The following MDGA2 variants were observed in gnomAD, a reference collection of about 807,000 sequenced individuals.
The protein encoded by MDGA2 is MAM domain containing glycosylphosphatidylinositol anchor 2.
A neutral mutation model predicts 117.8 loss-of-function variants in MDGA2; 40 were observed. The ratio of observed to expected loss-of-function variants is 0.34; its 90% confidence interval spans 0.26 to 0.44. The LOEUF (loss-of-function observed/expected upper bound fraction) is 0.44, where lower values mean the gene tolerates loss of function less well. Ranked by LOEUF, MDGA2 falls within the 20% of genes least tolerant of loss-of-function variation. The probability of loss-of-function intolerance (pLI) is 1.00; values close to 1 mark genes in which losing one functional copy is unlikely to be tolerated. For synonymous variants in MDGA2, 452 were observed against 439.0 expected (o/e 1.03, Z -0.37); for missense variants, 1,123 against 1,250.6 (o/e 0.90, Z 1.54).
At chr14:47,068,675 C>T (rs1265987160) in intron 6 of MDGA2, among the ~76,000 whole-genome samples, 27 of 151,928 alleles carry the variant, frequency 1.8e-4, no homozygotes, top group Non-Finnish European at 3.2e-4. Flanking sequence ...GTATATTATA[C>T]TTTTTATTAG....
At chr14:46,907,346 A>T (rs1883538385) in intron 10 of MDGA2, among the ~76,000 whole-genome samples, 1 of 152,118 alleles carries the variant, frequency 6.6e-6, no homozygotes, top group South Asian at 2.1e-4. Context: ...CAAGTGTTCT[A>T]TCAGTCCTCT....
At chr14:47,130,354 T>C (rs566332287) in intron 5 of MDGA2, among the ~76,000 whole-genome samples, 10 of 152,260 alleles carry the variant, frequency 6.6e-5, no homozygotes, top group East Asian at 5.8e-4. Flanking sequence ...TAGGGAATCC[T>C]TTCCCCCATT....
intron 1 of MDGA2, among the ~76,000 whole-genome samples, chr14:47,351,976 TGA>T (rs891975475): frequency 2.0e-5 from 3 of 151,684 alleles, no homozygotes; most frequent in African/African-American, 7.3e-5. Flanking sequence ...TATAATTCCA[TGA>T]GACTTATCAT....
At chr14:47,431,350 C>T (rs767162781) in intron 1 of MDGA2, among the ~76,000 whole-genome samples, 5 of 151,764 alleles carry the variant, frequency 3.3e-5, no homozygotes, top group African/African-American at 4.8e-5. Flanking sequence ...AAAAAAATTG[C>T]TTAAAAGTCA....
chr14:47,534,015 T>C (rs548342384), intron 1 of MDGA2, among the ~76,000 whole-genome samples: 5 of 152,280 alleles, frequency 3.3e-5, no homozygotes, highest in South Asian at 2.1e-4. Context: ...AGCCTAAACC[T>C]TTTCCACTAT....
chr14:47,385,110 C>T (rs1484874746), intron 1 of MDGA2, among the ~76,000 whole-genome samples: 2 of 152,126 alleles, frequency 1.3e-5, no homozygotes, highest in Admixed American at 1.3e-4. Flanking sequence ...ACCAATTTTA[C>T]ATATATGATG....
At chr14:47,318,358 C>A (rs751675845) in intron 1 of MDGA2, among the ~76,000 whole-genome samples, 19 of 152,100 alleles carry the variant, frequency 1.2e-4, no homozygotes, top group Non-Finnish European at 2.5e-4. Context: ...TGGCCCAAGG[C>A]CTTTGCATGC....
At chr14:47,192,463 A>C (rs1885150358) in intron 3 of MDGA2, among the ~76,000 whole-genome samples, 1 of 151,930 alleles carries the variant, frequency 6.6e-6, no homozygotes. Context: ...AAAAATACAA[A>C]AATTAGCCTG....
chr14:46,854,559 A>G (rs1447677675), intron 15 of MDGA2, among the ~76,000 whole-genome samples: 1 of 151,778 alleles, frequency 6.6e-6, no homozygotes, highest in Non-Finnish European at 1.5e-5. Context: ...ACTTATTTAA[A>G]GTCATCTTAA....
intron 8 of MDGA2, among the ~76,000 whole-genome samples, chr14:47,012,332 C>G (rs1391456330): frequency 6.6e-6 from 1 of 152,112 alleles, no homozygotes; most frequent in Non-Finnish European, 1.5e-5. Flanking sequence ...GCTGCATTCT[C>G]AGAGTGAACA....
intron 7 of MDGA2, among the ~76,000 whole-genome samples, chr14:47,054,008 T>C (rs1253118124): frequency 2.6e-5 from 4 of 152,006 alleles, no homozygotes; most frequent in African/African-American, 9.7e-5. Flanking sequence ...ACTACATTAG[T>C]CTGCCTGATA....
chr14:46,973,950 T>G (rs372168988), intron 8 of MDGA2, among the ~76,000 whole-genome samples: 247 of 151,822 alleles, frequency 1.6e-3, no homozygotes, highest in African/African-American at 5.5e-3. Context: ...TACAGCTCAC[T>G]GCAGCCTCTG....
chr14:47,413,448 G>A (rs1010433303), intron 1 of MDGA2, among the ~76,000 whole-genome samples: 2 of 152,048 alleles, frequency 1.3e-5, no homozygotes, highest in Non-Finnish European at 2.9e-5. Context: ...TGAAAAAGGG[G>A]AAGAAAAAAG....
chr14:46,950,170 T>C (rs1195614837), intron 9 of MDGA2, among the ~76,000 whole-genome samples: 1 of 151,940 alleles, frequency 6.6e-6, no homozygotes, highest in Non-Finnish European at 1.5e-5. Flanking sequence ...TAGTAATAAG[T>C]GATAGCATTA....
At chr14:46,929,601 G>GTGTATATA (rs1398520996) in intron 9 of MDGA2, among the ~76,000 whole-genome samples, 10 of 12,672 alleles carry the variant, frequency 7.9e-4, no homozygotes, top group African/African-American at 1.3e-3. Flanking sequence ...GTGTGTGTGT[G>GTGTATATA]TATATATATA....
At chr14:47,209,105 A>C (rs1398498564) in intron 3 of MDGA2, among the ~76,000 whole-genome samples, 2 of 152,178 alleles carry the variant, frequency 1.3e-5, no homozygotes, top group African/African-American at 4.8e-5. Flanking sequence ...AATGTCATGC[A>C]TCACTTTTCC....
chr14:46,902,847 T>G (rs755585173), intron 10 of MDGA2, among the ~76,000 whole-genome samples: 2 of 152,218 alleles, frequency 1.3e-5, no homozygotes, highest in African/African-American at 2.4e-5. Flanking sequence ...TTTGCTATAA[T>G]TTCTAAGGCA....
At chr14:47,007,758 T>G (rs1235647057) in intron 8 of MDGA2, among the ~76,000 whole-genome samples, 1 of 151,844 alleles carries the variant, frequency 6.6e-6, no homozygotes, top group Non-Finnish European at 1.5e-5. Flanking sequence ...CTCTTGTCCC[T>G]CAATTATCTG....
At chr14:46,923,252 A>G (rs557901517) in intron 9 of MDGA2, among the ~76,000 whole-genome samples, 2 of 152,262 alleles carry the variant, frequency 1.3e-5, no homozygotes, top group East Asian at 3.9e-4. Flanking sequence ...AAGACTTTCC[A>G]ATGTATTTTT....
Sources: allele counts gnomAD v4.1 joint callset (sites outside exome capture counted in the v4.1 genomes callset), GRCh38; gene constraint gnomAD v4.1.1; transcripts MANE v1.5; gene names NCBI Gene and HGNC (gene_info 2026-07-23, HGNC 2026-07-21).